The following OFD1 variants were observed in gnomAD, a reference collection of about 807,000 sequenced individuals.
OFD1 encodes the protein centriole and centriolar satellite protein OFD1.
OFD1 carries 12 observed loss-of-function variants against 81.4 expected under a neutral mutation model. The ratio of observed to expected loss-of-function variants is 0.15; its 90% CI spans 0.09 to 0.24. OFD1 has a LOEUF of 0.24. Among genes scored for constraint, OFD1 ranks in the 10% least tolerant of loss-of-function variants. The probability of loss-of-function intolerance (pLI) is 1.00; values close to 1 mark genes in which losing one functional copy is unlikely to be tolerated. For missense variants in OFD1, 685 were observed against 733.9 expected, an observed-to-expected ratio of 0.93 and a Z score of 0.77; for synonymous variants, 256 against 263.7, an observed-to-expected ratio of 0.97 and a Z score of 0.28.
the OFD1 span, chrX:13,716,278 CTG>C: frequency 1.7e-5 from 10 of 600,007 alleles, no homozygotes; most frequent in African/African-American, 1.1e-4. Context: ...TAGAAAATAA[CTG>C]TAAAATAAAG....
At position 13,768,219 on chromosome X, in the gene OFD1, G is replaced by C. The variant is rs1240567944; in HGVS notation, c.2923G>C (p.Asp975His). The change falls in exon 21 of 23, where the codon GAT becomes CAT. Residue 975 changes from aspartate (D) to histidine (H), a missense_variant. Asp to His is a moderately conservative substitution (Grantham distance 81). Transcript: ENST00000340096. ...GCAGGAGCAAGACCAGGAGTCGGCA[G>C]ATAAGGTGCCAGTGCCATGGGCAGG... Reference protein sequence around the residue: ...IQQEQDQESADKSSKKMVQEG... With the variant: ...IQQEQDQESAHKSSKKMVQEG... 4.2e-5 allele frequency: 51 copies of C among 1,206,186 alleles called. No individual in the cohort carries two copies. Among genetic ancestry groups the C allele is most frequent in the Non-Finnish European group, 5.6e-5 (50 of 889,993 alleles).
chrX:13,729,737 C>T, the OFD1 span, among the ~76,000 whole-genome samples: 5 of 110,896 alleles, frequency 4.5e-5, no homozygotes, highest in Middle Eastern at 4.6e-3. Flanking sequence ...GGAGAAACCC[C>T]GTCTCTACTA....
rs142707380 is a variant in OFD1 at position 13,761,992 on chromosome X, A to G, written c.2388-352A>G. 3.4e-3 allele frequency among the ~76,000 whole-genome samples: 367 copies of G among 106,383 alleles called. 2 individuals are homozygous for G. The highest frequency in any genetic ancestry group is 0.011 in the African/African-American group (318 of 28,794). The allele number at this position is 106,383 out of a possible 115,157, so 92.4% of individuals were successfully genotyped here. On this transcript the variant is annotated intron_variant, in intron 17 of 22. Transcript: ENST00000340096. ...TGAGTTAGGGCGCTTTGCTCACTCA[A>G]GGTTGTGGTGTTGCATCTTCATCTG...
At chrX:13,761,776 A>G (rs888503966) in intron 17 of OFD1, among the ~76,000 whole-genome samples, 1 of 111,181 alleles carries the variant, frequency 9.0e-6, no homozygotes, top group Non-Finnish European at 1.9e-5. Flanking sequence ...GATTTGAGTC[A>G]TGAGCAGACT....
chrX:13,744,594 T>C (rs2047223381), intron 6 of OFD1, 75 bp downstream of exon 6: 1 of 652,631 alleles, frequency 1.5e-6, no homozygotes, highest in Non-Finnish European at 2.5e-6. Flanking sequence ...TGATTTACCA[T>C]ATTGTGTGAT....
At position 13,760,269 on chromosome X, in the gene OFD1, G is replaced by T. The variant is rs771742424; in HGVS notation, c.1809G>T (p.Met603Ile). ...AACAGGAAAACGTTCTAGCACGTAT[G>T]GTTGCATCAAGGATCACAAATTATC... ...PFKQENVLARMVASRITNYPT... is the reference protein window; with the variant it reads ...PFKQENVLARIVASRITNYPT... The change falls in exon 16 of 23, where the codon ATG becomes ATT. Residue 603 changes from methionine (M) to isoleucine (I), a missense_variant. Around this residue, in one of 3 missense-constraint regions of OFD1, gnomAD observed 414 missense variants for 447.2 expected, o/e 0.93. Coordinates refer to ENST00000340096, the MANE Select transcript of OFD1 (RefSeq NM_003611.3). The T allele has an allele frequency of 6.6e-6, 8 of 1,211,803 alleles. No individual in the cohort carries two copies. The South Asian group carries it at 1.4e-4, about 21-fold the overall frequency.
chrX:13,746,947 C>T lies in OFD1; in HGVS notation c.822C>T (p.His274=), dbSNP rs1187626286. The change falls in exon 8 of 23, where the codon CAC becomes CAT. Residue 274 remains histidine, a synonymous_variant. Transcript: ENST00000340096. ...EKSTLERIHK[H]QEIETKEIYA... ...GTACCCTTGAAAGAATTCACAAGCA[C>T]CAAGAGGTGGTATTTACAAATATTT... The T allele has an allele frequency of 1.7e-6, 2 of 1,209,441 alleles. No homozygotes were observed. The highest frequency in any genetic ancestry group is 4.3e-5 in the Admixed American group (2 of 46,013).
At chrX:13,725,723 G>A in the OFD1 span, among the ~76,000 whole-genome samples, 9 of 112,281 alleles carry the variant, frequency 8.0e-5, no homozygotes, top group African/African-American at 2.3e-4. Context: ...GCAGCTCCTC[G>A]CCAGCAATGG....
chrX:13,731,747 A>G (rs1317135080), upstream of OFD1, among the ~76,000 whole-genome samples: 2 of 112,133 alleles, frequency 1.8e-5, no homozygotes, highest in East Asian at 2.8e-4. Context: ...CTCCGTGTCA[A>G]TTTATGGCAC....
chrX:13,766,189 G>A (rs1001294006), intron 19 of OFD1, among the ~76,000 whole-genome samples: 1 of 112,357 alleles, frequency 8.9e-6, no homozygotes, highest in African/African-American at 3.2e-5. Context: ...TTATCAGAGC[G>A]GAGATGCTGC....
chrX:13,738,677 ATTTAT>A, intron 3 of OFD1, 164 bp from the exon 4 acceptor site: 1 of 420,880 alleles, frequency 2.4e-6, no homozygotes, highest in Admixed American at 4.3e-5. Context: ...GTTTATAGTA[ATTTAT>A]TTAACAGTGT....
At chrX:13,726,719 G>A in the OFD1 span, among the ~76,000 whole-genome samples, 16 of 111,536 alleles carry the variant, frequency 1.4e-4, no homozygotes, top group East Asian at 2.8e-4. Context: ...AATAACCAGC[G>A]AACATCATAA....
intron 3 of OFD1, 49 bp downstream of exon 3, chrX:13,736,727 C>G: frequency 1.0e-6 from 1 of 988,422 alleles, no homozygotes; most frequent in Middle Eastern, 3.5e-4. Context: ...ACAGGTTCTT[C>G]CTCTGCTGAC....
At chrX:13,720,731 G>A in the OFD1 span, 1 of 112,029 alleles carries the variant, frequency 8.9e-6, no homozygotes, top group South Asian at 3.7e-4. Flanking sequence ...TTGGAACTAA[G>A]TTTAACATGT....
intron 12 of OFD1, among the ~76,000 whole-genome samples, chrX:13,755,495 A>G (rs1487224679): frequency 9.0e-6 from 1 of 111,525 alleles, no homozygotes; most frequent in East Asian, 2.8e-4. Context: ...GTGTGTCGCT[A>G]GGTAAGTTCT....
At chrX:13,737,531 G>A (rs2046919028) in intron 3 of OFD1, among the ~76,000 whole-genome samples, 1 of 110,001 alleles carries the variant, frequency 9.1e-6, no homozygotes, top group Non-Finnish European at 1.9e-5. Context: ...TGGTACATTT[G>A]CTACAATCTA....
At chrX:13,714,595 C>A in the OFD1 span, 2 of 509,306 alleles carry the variant, frequency 3.9e-6, no homozygotes, top group Non-Finnish European at 6.2e-6. Flanking sequence ...AAATTAAAAA[C>A]CAAAGACATT....
chrX:13,721,219 A>C, the OFD1 span: 1 of 111,636 alleles, frequency 9.0e-6, no homozygotes, highest in Non-Finnish European at 1.9e-5. Flanking sequence ...TTTGGAGTCA[A>C]AGTTAGGTTC....
Position 13,757,650 on chromosome X carries a change from ACC to A in OFD1, c.1412-9_1412-8del. On this transcript the variant is annotated splice_polypyrimidine_tract_variant and splice_region_variant and intron_variant, in intron 13 of 22. Transcript: ENST00000340096. ...TGACTAGGATTTTTTTTTTTTTTTT[ACC>A]TTCTTAGGCCTAGCTCAGCCGGCTC... The A allele has an allele frequency of 2.6e-6, 3 of 1,161,100 alleles. No individual in the cohort carries two copies. The highest frequency in any genetic ancestry group is 1.9e-5 in the African/African-American group (1 of 51,993).
Sources: allele counts gnomAD v4.1 joint callset (sites outside exome capture counted in the v4.1 genomes callset), GRCh38; gene constraint gnomAD v4.1.1; regional missense constraint gnomAD v4.1.1; transcripts MANE v1.5; gene names NCBI Gene and HGNC (gene_info 2026-07-23, HGNC 2026-07-21).